The following MYO1F variants were observed in gnomAD, a reference collection of about 807,000 sequenced individuals.
The protein encoded by MYO1F is myosin IF, also known as unconventional myosin-If.
In MYO1F, 60 loss-of-function variants were observed where a neutral mutation model predicts 146.6. The ratio of observed to expected loss-of-function variants is 0.41; its 90% confidence interval spans 0.33 to 0.51. MYO1F has a LOEUF of 0.51. Among genes scored for constraint, MYO1F ranks in the 20% least tolerant of loss-of-function variants. The pLI is 0.25. For missense variants in MYO1F, 1,274 were observed against 1,534.3 expected (o/e 0.83, Z 2.83); for synonymous variants, 602 against 602.1 (o/e 1.00, Z 0.00).
intron 27 of MYO1F, 75 bp downstream of exon 27, chr19:8,522,302 G>A (rs371717785): frequency 3.6e-5 from 58 of 1,593,934 alleles, no homozygotes; most frequent in Middle Eastern, 1.6e-4. Flanking sequence ...GATTACAGGC[G>A]TGAGCCACCG....
chr19:8,542,466 C>T (rs2145875967), intron 14 of MYO1F, among the ~76,000 whole-genome samples: 1 of 149,270 alleles, frequency 6.7e-6, no homozygotes, highest in South Asian at 2.1e-4. Context: ...TCTCAGGGAT[C>T]TCTGGGGGCA....
In MYO1F at chr19:8,536,162, C is replaced by CCT. The variant is rs1470215632; in HGVS notation, c.2043+88_2043+89dup. 9.7e-5 allele frequency: 139 copies of CCT among 1,436,550 alleles called. No individual in the cohort carries two copies. In the African/African-American group the frequency reaches 2.1e-3, roughly 22 times the overall value. 89.0% of individuals were successfully genotyped at this position (1,436,550 alleles called of 1,614,324 possible). On this transcript the variant is annotated intron_variant, in intron 19 of 27. Coordinates refer to ENST00000644032, the MANE Select transcript of MYO1F (RefSeq NM_012335.4). ...CAGTCTTTCTCTCAATCTCTGTCTCCCTCTGTCTCTCTCTCTCTCTCTCAG... is the reference window on the plus strand; with the variant it reads ...CAGTCTTTCTCTCAATCTCTGTCTCCCTCTCTGTCTCTCTCTCTCTCTCTCAG...
At chr19:8,526,703 C>T (rs1395708643) in intron 23 of MYO1F, 86 bp downstream of exon 23, 3 of 1,531,460 alleles carry the variant, frequency 2.0e-6, no homozygotes, top group African/African-American at 1.4e-5. Flanking sequence ...GGGGCCGAAG[C>T]GCAGTTCGGC....
intron 1 of MYO1F, among the ~76,000 whole-genome samples, chr19:8,564,191 G>T (rs2041959304): frequency 6.6e-6 from 1 of 151,580 alleles, no homozygotes; most frequent in Admixed American, 6.6e-5. Flanking sequence ...GACCAGCCTG[G>T]CCAACATGGT....
chr19:8,547,300 CAAAAAAA>C (rs1196814670), intron 12 of MYO1F, among the ~76,000 whole-genome samples: 11 of 44,996 alleles, frequency 2.4e-4, no homozygotes, highest in African/African-American at 9.6e-4. Flanking sequence ...GTTCCTGTCT[CAAAAAAA>C]AAAAAAAAAA....
At chr19:8,543,741 GTGC>G (rs1385262003) in intron 14 of MYO1F, among the ~76,000 whole-genome samples, 25 of 11,564 alleles carry the variant, frequency 2.2e-3, no homozygotes, top group African/African-American at 8.1e-3. Context: ...GGTGCTGGTG[GTGC>G]TGGTGGTGGT....
At chr19:8,548,002 A>AC in intron 12 of MYO1F, 34 bp downstream of exon 12, 1 of 506,820 alleles carries the variant, frequency 2.0e-6, no homozygotes, top group Non-Finnish European at 3.2e-6. Flanking sequence ...CCCCCACCCC[A>AC]GGATCCCCCA....
intron 1 of MYO1F, among the ~76,000 whole-genome samples, chr19:8,574,611 T>C (rs1472008436): frequency 0.061 from 2,542 of 41,942 alleles, 59 homozygotes; most frequent in African/African-American, 0.096. Context: ...CTTTCTTTCT[T>C]TCTTTCTTTC....
chr19:8,543,963 G>GTGGTGC (rs1568349921), intron 14 of MYO1F: 2 of 312,594 alleles, frequency 6.4e-6, no homozygotes, highest in African/African-American at 3.2e-5. Context: ...GGTGGTGGTG[G>GTGGTGC]TGGTGGTGCT....
At chr19:8,550,069 G>T (rs533084662) in intron 10 of MYO1F, 91 bp downstream of exon 10, 1 of 1,436,112 alleles carries the variant, frequency 7.0e-7, no homozygotes, top group Non-Finnish European at 9.6e-7. Context: ...CAAAGCATTG[G>T]GATTGCAGCC....
chr19:8,567,058 A>G (rs1028927075), intron 1 of MYO1F, among the ~76,000 whole-genome samples: 4 of 127,694 alleles, frequency 3.1e-5, no homozygotes, highest in African/African-American at 6.0e-5. Flanking sequence ...ACTGGGTCCA[A>G]TTTTTTTTTT....
At chr19:8,560,312 A>C (rs143814920) in intron 1 of MYO1F, among the ~76,000 whole-genome samples, 1 of 151,352 alleles carries the variant, frequency 6.6e-6, no homozygotes, top group Non-Finnish European at 1.5e-5. Context: ...GTGAAACCCC[A>C]TCTCTACTAA....
chr19:8,544,160 G>T lies in MYO1F; in HGVS notation c.1524+137C>A, dbSNP rs1973230145. ...TAGTAGGGGGTGGATTGAGGCGGGGGACAGTGGAATTCTACAGCCCTGGAT... is the reference window on the plus strand; with the variant it reads ...TAGTAGGGGGTGGATTGAGGCGGGGTACAGTGGAATTCTACAGCCCTGGAT... On this transcript the variant is annotated intron_variant, in intron 14 of 27. Transcript: ENST00000644032. 1.4e-5 allele frequency: 13 copies of T among 934,730 alleles called. No homozygotes were observed. The South Asian group carries it at 1.7e-4, about 12-fold the overall frequency. 57.9% of individuals were successfully genotyped at this position (934,730 alleles called of 1,614,324 possible).
chr19:8,555,492 C>T, intron 2 of MYO1F, 167 bp downstream of exon 2: 1 of 870,140 alleles, frequency 1.1e-6, no homozygotes, highest in East Asian at 2.7e-5. Flanking sequence ...GTGGCAGCCA[C>T]AGCTGCCCCC....
chr19:8,536,005 C>A (rs7256051), intron 19 of MYO1F, among the ~76,000 whole-genome samples: 2,197 of 151,998 alleles, frequency 0.014, 53 homozygotes, highest in African/African-American at 0.049. Flanking sequence ...TAATCTCTCG[C>A]TCAGTCTCTC....
intron 4 of MYO1F, among the ~76,000 whole-genome samples, chr19:8,553,894 A>ACACTCTCTCTCTCTCT: frequency 3.9e-5 from 4 of 102,668 alleles, no homozygotes; most frequent in African/African-American, 1.3e-4. Context: ...ACACACACAC[A>ACACTCTCTCTCTCTCT]CTCTCTCTCT....
intron 25 of MYO1F, among the ~76,000 whole-genome samples, chr19:8,523,681 G>A (rs1319998238): frequency 6.6e-6 from 1 of 151,906 alleles, no homozygotes; most frequent in Non-Finnish European, 1.5e-5. Context: ...TAGAGACAGG[G>A]TTTTGCTCTG....
rs1237116546 is a variant in MYO1F at position 8,536,405 on chromosome 19, G to A, written c.1899-9C>T. The stretch of plus-strand genomic sequence containing the variant: ...GGGTCAGAATGGCATACCTGAGGGC[G>A]GAGGGCTGGGGTGTGGGAGTGCTCA... On this transcript the variant is annotated splice_polypyrimidine_tract_variant and intron_variant, in intron 18 of 27. Coordinates refer to ENST00000644032, the MANE Select transcript of MYO1F (RefSeq NM_012335.4). 2.5e-6 allele frequency: 4 copies of A among 1,607,272 alleles called. No individual in the cohort carries two copies. Among genetic ancestry groups the A allele is most frequent in the East Asian group, 2.2e-5 (1 of 44,790 alleles).
In MYO1F at chr19:8,521,414, T is replaced by G; in HGVS notation, c.*114A>C. On this transcript the variant is annotated 3_prime_UTR_variant, in exon 28 of 28. Coordinates refer to ENST00000644032, the MANE Select transcript of MYO1F (RefSeq NM_012335.4). ...AGGACTGGAGGCCAAAGGACTGGAC[T>G]TTTAGGCTATTGCAGCCCAGGTAAA... The G allele has an allele frequency of 1.7e-6, 2 of 1,165,252 alleles. No individual in the cohort carries two copies. The highest frequency in any genetic ancestry group is 2.5e-6 in the Non-Finnish European group (2 of 792,186). 72.2% of individuals were successfully genotyped at this position (1,165,252 alleles called of 1,614,324 possible). A position where few individuals can be genotyped will look rare whatever the true frequency, so the allele number is the denominator to read the frequency against.
Sources: allele counts gnomAD v4.1 joint callset (sites outside exome capture counted in the v4.1 genomes callset), GRCh38; gene constraint gnomAD v4.1.1; transcripts MANE v1.5; gene names NCBI Gene and HGNC (gene_info 2026-07-23, HGNC 2026-07-21).